SHC3: variants seen among roughly 807,000 people sequenced by gnomAD.
SHC3 encodes SHC adaptor protein 3, also known as SHC-transforming protein 3.
Under a neutral mutation model 60.4 loss-of-function variants are expected in SHC3, and 15 were observed. That is an observed-to-expected ratio of 0.25 (90% confidence interval 0.17 to 0.38). The LOEUF (loss-of-function observed/expected upper bound fraction) is 0.38. Among genes scored for constraint, SHC3 ranks in the 10% least tolerant of loss-of-function variants. The pLI, the probability that SHC3 is intolerant of heterozygous loss-of-function variation, is 1.00. For synonymous variants in SHC3, 294 were observed against 325.9 expected, an observed-to-expected ratio of 0.90 and a Z score of 1.05; for missense variants, 677 against 786.1, an observed-to-expected ratio of 0.86 and a Z score of 1.66.
chr9:89,169,288 C>G (rs1220219951), intron 1 of SHC3, among the ~76,000 whole-genome samples: 1 of 152,214 alleles, frequency 6.6e-6, no homozygotes. Context: ...CCCCTCCTCA[C>G]AGCTCTCAGT....
chr9:89,081,972 C>T (rs901031637), intron 2 of SHC3, among the ~76,000 whole-genome samples: 1 of 152,004 alleles, frequency 6.6e-6, no homozygotes, highest in Non-Finnish European at 1.5e-5. Flanking sequence ...GTGACACTGA[C>T]AGCCCCAGTG....
intron 4 of SHC3, among the ~76,000 whole-genome samples, chr9:89,072,037 G>A (rs979285063): frequency 6.6e-6 from 1 of 152,070 alleles, no homozygotes; most frequent in Admixed American, 6.5e-5. Context: ...GGTTTGATGT[G>A]GAATGTTTAA....
At chr9:89,112,456 C>A in intron 2 of SHC3, 100 bp downstream of exon 2, 2 of 1,322,588 alleles carry the variant, frequency 1.5e-6, no homozygotes, top group South Asian at 1.3e-5. Context: ...ACTAACCCTC[C>A]AAGGGCCGGT....
At chr9:89,022,769 A>G (rs1826226823) in intron 11 of SHC3, among the ~76,000 whole-genome samples, 1 of 152,124 alleles carries the variant, frequency 6.6e-6, no homozygotes. Flanking sequence ...CCGTCTTTAA[A>G]ATAAGTGCCT....
intron 1 of SHC3, among the ~76,000 whole-genome samples, chr9:89,149,734 G>A (rs117738117): frequency 6.6e-6 from 1 of 152,184 alleles, no homozygotes; most frequent in African/African-American, 2.4e-5. Flanking sequence ...TGAGTATACA[G>A]TAGATCCCCC....
intron 2 of SHC3, among the ~76,000 whole-genome samples, chr9:89,106,198 C>A (rs893826752): frequency 1.3e-5 from 2 of 152,172 alleles, no homozygotes; most frequent in Non-Finnish European, 2.9e-5. Flanking sequence ...CTTTCCTCAT[C>A]CCCTAAGAGT....
At chr9:89,035,863 GTGTGTGT>G (rs1440261333) in intron 11 of SHC3, among the ~76,000 whole-genome samples, 1 of 116,728 alleles carries the variant, frequency 8.6e-6, no homozygotes, top group African/African-American at 3.1e-5. Context: ...GTGTGTGTGT[GTGTGTGT>G]GTGTGTGTGT....
At chr9:89,039,039 C>T (rs1824631069) in intron 10 of SHC3, among the ~76,000 whole-genome samples, 1 of 152,214 alleles carries the variant, frequency 6.6e-6, no homozygotes, top group Non-Finnish European at 1.5e-5. Flanking sequence ...GCATGTCTAA[C>T]TAAATCCCGA....
At chr9:89,125,578 T>C (rs1361354082) in intron 1 of SHC3, among the ~76,000 whole-genome samples, 1 of 152,138 alleles carries the variant, frequency 6.6e-6, no homozygotes, top group Non-Finnish European at 1.5e-5. Context: ...TAAGGCTTTC[T>C]TAGTCACAGG....
chr9:89,119,842 AG>A (rs1826065931), intron 1 of SHC3, among the ~76,000 whole-genome samples: 2 of 152,374 alleles, frequency 1.3e-5, no homozygotes, highest in Non-Finnish European at 2.9e-5. Flanking sequence ...GAAGATAAAA[AG>A]GAACTGGTGA....
In SHC3 at chr9:89,096,885, G is replaced by T. The variant is rs192593347; in HGVS notation, c.545+15671C>A. Among the ~76,000 whole-genome samples the T allele has an allele frequency of 2.0e-4, 31 of 152,310 alleles. 1 individual carries two copies. Among genetic ancestry groups the T allele is most frequent in the African/African-American group, 7.0e-4 (29 of 41,572 alleles). ...TTAAGATTGCTTTGTTTAAACAGAA[G>T]AGAGCAAGACAGAATGGGCAGAACC... On this transcript the variant is annotated intron_variant, in intron 2 of 11. Transcript: ENST00000375835.
At position 89,178,324 on chromosome 9, in the gene SHC3, T is replaced by C. The variant is rs1205870479; in HGVS notation, c.137A>G (p.Tyr46Cys). 1.3e-6 allele frequency: 2 copies of C among 1,593,808 alleles called. No homozygotes were observed. Among genetic ancestry groups the C allele is most frequent in the Non-Finnish European group, 8.5e-7 (1 of 1,172,288 alleles). ...GCGCAGCGCCTCGCCGGACACCAAG[T>C]AGGGAGCCGCCGCCGGGGTCGCGCG... ...AARATPAAAP[Y>C]LVSGEALRKA... The change falls in exon 1 of 12, where the codon TAC becomes TGC. Residue 46 changes from tyrosine to cysteine, a missense_variant. Tyr to Cys is a radical substitution (Grantham distance 194). Transcript: ENST00000375835. The surrounding 1 kb of genome is among the most constrained non-coding windows in gnomAD (Gnocchi z 6.9).
chr9:89,136,342 G>A (rs1826319080), intron 1 of SHC3, among the ~76,000 whole-genome samples: 1 of 152,116 alleles, frequency 6.6e-6, no homozygotes, highest in South Asian at 2.1e-4. Flanking sequence ...TAAGTCACAG[G>A]GTATGATAGG....
chr9:89,136,869 C>T (rs562240530), intron 1 of SHC3, among the ~76,000 whole-genome samples: 106 of 152,178 alleles, frequency 7.0e-4, no homozygotes, highest in Middle Eastern at 3.4e-3. Flanking sequence ...TAAAGAACTA[C>T]CTGAGGCTGG....
chr9:89,035,580 G>A (rs1824558143), intron 11 of SHC3, among the ~76,000 whole-genome samples: 1 of 152,002 alleles, frequency 6.6e-6, no homozygotes, highest in Non-Finnish European at 1.5e-5. Context: ...GTTTCAGAAG[G>A]AACATCAGGA....
intron 1 of SHC3, among the ~76,000 whole-genome samples, chr9:89,165,313 C>T (rs982528796): frequency 6.6e-6 from 1 of 150,700 alleles, no homozygotes; most frequent in African/African-American, 2.5e-5. Flanking sequence ...ATATAAGTAG[C>T]AGATCATTTT....
intron 7 of SHC3, among the ~76,000 whole-genome samples, chr9:89,050,501 G>A (rs528796595): frequency 1.3e-5 from 2 of 152,298 alleles, no homozygotes; most frequent in East Asian, 3.9e-4. Context: ...GGCCAGGCTG[G>A]TCTTGAACTC....
intron 6 of SHC3, among the ~76,000 whole-genome samples, chr9:89,064,804 T>C (rs1279237581): frequency 1.3e-5 from 2 of 152,192 alleles, no homozygotes; most frequent in Non-Finnish European, 2.9e-5. Flanking sequence ...AGAGGGTATG[T>C]ATACGGATAA....
At chr9:89,077,956 A>G (rs951946239) in intron 2 of SHC3, 53 bp from the exon 3 acceptor site, 3 of 1,592,974 alleles carry the variant, frequency 1.9e-6, no homozygotes, top group Non-Finnish European at 2.6e-6. Flanking sequence ...GGATTATGGA[A>G]CCCAGAGATG....
Sources: allele counts gnomAD v4.1 joint callset (sites outside exome capture counted in the v4.1 genomes callset), GRCh38; gene constraint gnomAD v4.1.1; non-coding constraint Gnocchi (gnomAD v3.1); transcripts MANE v1.5; gene names NCBI Gene and HGNC (gene_info 2026-07-23, HGNC 2026-07-21).